NACC2: variants seen among roughly 807,000 people sequenced by gnomAD.
The protein encoded by NACC2 is nucleus accumbens-associated protein 2.
In NACC2, 8 loss-of-function variants were observed where a neutral mutation model predicts 25.1. The observed-to-expected ratio is 0.32, with a 90% CI of 0.19 to 0.57. NACC2 has a LOEUF of 0.57. NACC2 is among the 20% of genes least tolerant of loss of function. The probability of loss-of-function intolerance (pLI) is 0.89; values close to 1 mark genes in which losing one functional copy is unlikely to be tolerated. For missense variants in NACC2, 644 were observed against 650.2 expected, an observed-to-expected ratio of 0.99 and a Z score of 0.10; for synonymous variants, 435 against 294.7, an observed-to-expected ratio of 1.48 and a Z score of -4.88.
chr9:136,083,655 C>G (rs943576539), intron 1 of NACC2, among the ~76,000 whole-genome samples: 1 of 152,190 alleles, frequency 6.6e-6, no homozygotes, highest in Non-Finnish European at 1.5e-5. Flanking sequence ...GCACCACAGG[C>G]GGCTGGCACC....
At position 136,083,742 on chromosome 9, in the gene NACC2, T is replaced by TA. The variant is rs751257183; in HGVS notation, c.-60+11446_-60+11447insT. Among the ~76,000 whole-genome samples the TA allele has an allele frequency of 1.1e-4, 16 of 152,240 alleles. No individual in the cohort carries two copies. In the East Asian group the frequency reaches 2.3e-3, roughly 22 times the overall value. On this transcript the variant is annotated intron_variant, in intron 1 of 5. Coordinates refer to ENST00000277554, the MANE Select transcript of NACC2 (RefSeq NM_144653.5). ...GCCTCCACCGCTGTGCAAGAAGAAA[T>TA]TCCTGCTGTTTCAGGCCTCCCCACC...
rs1201295255 is a variant in NACC2, at chr9:136,045,985, C to T, written c.886+3651G>A. Among the ~76,000 whole-genome samples the T allele has an allele frequency of 2.6e-5, 4 of 152,272 alleles. No individual in the cohort carries two copies. The East Asian group carries it at 7.7e-4, about 29-fold the overall frequency. On this transcript the variant is annotated intron_variant, in intron 2 of 5. Coordinates refer to ENST00000277554, the MANE Select transcript of NACC2 (RefSeq NM_144653.5). ...GGTGTCCCTGCTGGACGTTCAGATGCCCCCGAGCCCTGAGCCCCAGCGGGA... is the reference window on the plus strand; with the variant it reads ...GGTGTCCCTGCTGGACGTTCAGATGTCCCCGAGCCCTGAGCCCCAGCGGGA...
At chr9:136,070,229 C>T (rs879427985) in intron 1 of NACC2, among the ~76,000 whole-genome samples, 2 of 151,850 alleles carry the variant, frequency 1.3e-5, no homozygotes, top group East Asian at 1.9e-4. Flanking sequence ...AAATACGGGC[C>T]GGGCGTGGTG....
intron 1 of NACC2, among the ~76,000 whole-genome samples, chr9:136,074,478 A>G (rs1564239913): frequency 1.9e-5 from 1 of 52,636 alleles, no homozygotes; most frequent in African/African-American, 6.2e-5. Flanking sequence ...AAAGAAGAAA[A>G]AGAAAACAAA....
chr9:136,028,211 C>CA (rs35197851), intron 2 of NACC2, among the ~76,000 whole-genome samples: 1,958 of 111,268 alleles, frequency 0.018, 29 homozygotes, highest in East Asian at 0.082. Context: ...ACTCCATCTC[C>CA]AAAAAAAAAA....
chr9:136,036,393 T>TAA (rs1414269073), intron 2 of NACC2, among the ~76,000 whole-genome samples: 1 of 152,126 alleles, frequency 6.6e-6, no homozygotes, highest in Non-Finnish European at 1.5e-5. Flanking sequence ...AAGGTCACCT[T>TAA]AAGGAGAAGA....
intron 3 of NACC2, among the ~76,000 whole-genome samples, chr9:136,015,127 G>A (rs1840181202): frequency 6.6e-6 from 1 of 152,138 alleles, no homozygotes; most frequent in Admixed American, 6.5e-5. Flanking sequence ...CTCCTGAGGA[G>A]CTCATAAACT....
intron 1 of NACC2, among the ~76,000 whole-genome samples, chr9:136,076,454 C>T (rs1026561686): frequency 3.9e-5 from 6 of 152,130 alleles, no homozygotes; most frequent in African/African-American, 1.2e-4. Flanking sequence ...ACACAGACAA[C>T]GCCACGGGGT....
intron 1 of NACC2, among the ~76,000 whole-genome samples, chr9:136,063,922 C>T (rs1841047727): frequency 6.6e-6 from 1 of 150,972 alleles, no homozygotes; most frequent in South Asian, 2.1e-4. Flanking sequence ...ATCACTTAAA[C>T]AGCTGTGCCC....
At chr9:136,029,475 G>A (rs1840442400) in intron 2 of NACC2, among the ~76,000 whole-genome samples, 1 of 152,224 alleles carries the variant, frequency 6.6e-6, no homozygotes, top group South Asian at 2.1e-4. Flanking sequence ...CTGCCAAATG[G>A]CAGGATTAAA....
At chr9:136,054,323 C>T (rs1012523159) in intron 1 of NACC2, among the ~76,000 whole-genome samples, 9 of 152,188 alleles carry the variant, frequency 5.9e-5, no homozygotes, top group Non-Finnish European at 8.8e-5. Context: ...CCGTGTGGTC[C>T]CTGGGGATCG....
At chr9:136,058,392 G>C (rs2131168983) in intron 1 of NACC2, among the ~76,000 whole-genome samples, 1 of 152,368 alleles carries the variant, frequency 6.6e-6, no homozygotes, top group East Asian at 1.9e-4. Flanking sequence ...CCCATCCTCA[G>C]GGGTGTCCGG....
intron 1 of NACC2, among the ~76,000 whole-genome samples, chr9:136,054,073 G>C (rs1292778623): frequency 6.6e-6 from 1 of 152,226 alleles, no homozygotes; most frequent in South Asian, 2.1e-4. Context: ...GTTCCTGGGG[G>C]TGAATGGAAC....
chr9:136,012,369 G>A (rs964268975), intron 5 of NACC2, among the ~76,000 whole-genome samples: 3 of 152,222 alleles, frequency 2.0e-5, no homozygotes, highest in Admixed American at 1.3e-4. Context: ...TCCCCCTTTC[G>A]GGAATAACAC....
intron 3 of NACC2, among the ~76,000 whole-genome samples, chr9:136,015,672 C>T (rs1053506621): frequency 7.2e-5 from 11 of 152,190 alleles, no homozygotes; most frequent in Admixed American, 2.6e-4. Flanking sequence ...CCTGGAAAAC[C>T]GGGAAGAAAT....
At chr9:136,034,022 A>G (rs1461960154) in intron 2 of NACC2, among the ~76,000 whole-genome samples, 2 of 152,046 alleles carry the variant, frequency 1.3e-5, no homozygotes, top group Non-Finnish European at 2.9e-5. Flanking sequence ...AGGAACTCAA[A>G]CCTGAAAGAG....
chr9:136,068,397 G>A (rs1268419374), intron 1 of NACC2, among the ~76,000 whole-genome samples: 1 of 150,572 alleles, frequency 6.6e-6, no homozygotes, highest in Non-Finnish European at 1.5e-5. Context: ...TACACAAGAG[G>A]CTGAGGCAGG....
chr9:136,028,664 G>A (rs528430789), intron 2 of NACC2, among the ~76,000 whole-genome samples: 5 of 152,296 alleles, frequency 3.3e-5, no homozygotes, highest in African/African-American at 9.6e-5. Flanking sequence ...TTGGAGGGGT[G>A]GGAGTTCCAC....
rs564067829 is a variant in NACC2, at chr9:136,020,148, C to T, written c.887-3719G>A. 1.3e-5 allele frequency among the ~76,000 whole-genome samples: 2 copies of T among 152,306 alleles called. No individual in the cohort carries two copies. The highest frequency in any genetic ancestry group is 1.9e-4 in the East Asian group (1 of 5,184). ...GCACGTAAAAGTCACTGCAACGGCC[C>T]CTCTCACGTCCACTTTACCACAATA... On this transcript the variant is annotated intron_variant, in intron 2 of 5. Transcript: ENST00000277554. The surrounding 1 kb of genome is among the most constrained non-coding windows in gnomAD (Gnocchi z 4.7).
Sources: allele counts gnomAD v4.1 joint callset (sites outside exome capture counted in the v4.1 genomes callset), GRCh38; gene constraint gnomAD v4.1.1; non-coding constraint Gnocchi (gnomAD v3.1); transcripts MANE v1.5; gene names NCBI Gene and HGNC (gene_info 2026-07-23, HGNC 2026-07-21).